The following LRRTM4 variants were observed in gnomAD, a reference collection of about 807,000 sequenced individuals.
LRRTM4 encodes leucine-rich repeat transmembrane neuronal protein 4.
A neutral mutation model predicts 47.6 loss-of-function variants in LRRTM4; 25 were observed. The observed-to-expected ratio is 0.53, with a 90% CI of 0.38 to 0.73. The LOEUF (loss-of-function observed/expected upper bound fraction) is 0.73, where lower values mean the gene tolerates loss of function less well. Among genes scored for constraint, LRRTM4 ranks in the 30% least tolerant of loss-of-function variants. LRRTM4 has a pLI of 0.00. For missense variants in LRRTM4, 638 were observed against 713.4 expected (o/e 0.89, Z 1.20); for synonymous variants, 311 against 269.5 (o/e 1.15, Z -1.51).
Position 77,425,892 on chromosome 2 carries a change from G to A in LRRTM4, c.1551+92426C>T, listed in dbSNP as rs140851395. On this transcript the variant is annotated intron_variant, in intron 3 of 3. Transcript: ENST00000409884. ...GCACTTTAGAGAGGCCAAGGCAGGC[G>A]GATCACTTGAGACCAGGTATTTGAG... 4.3e-3 allele frequency among the ~76,000 whole-genome samples: 654 copies of A among 151,982 alleles called. 9 individuals carry two copies. The highest frequency in any genetic ancestry group is 0.014 in the African/African-American group (575 of 41,450).
chr2:77,513,570 A>G (rs529956486), intron 3 of LRRTM4, among the ~76,000 whole-genome samples: 62 of 132,222 alleles, frequency 4.7e-4, no homozygotes, highest in Non-Finnish European at 8.0e-4. Flanking sequence ...TATAATTTAT[A>G]TTTTATTTGT....
chr2:76,881,199 TAC>T (rs994770512), intron 3 of LRRTM4, among the ~76,000 whole-genome samples: 12 of 152,192 alleles, frequency 7.9e-5, no homozygotes, highest in African/African-American at 2.9e-4. Context: ...CATAAATATG[TAC>T]AGTTATCATG....
At chr2:76,811,042 G>A (rs1315321477) in intron 3 of LRRTM4, among the ~76,000 whole-genome samples, 23 of 152,030 alleles carry the variant, frequency 1.5e-4, no homozygotes. Flanking sequence ...AATATAGAAA[G>A]GAAAATGAAA....
chr2:77,245,876 C>A (rs950332198), intron 3 of LRRTM4, among the ~76,000 whole-genome samples: 2 of 152,118 alleles, frequency 1.3e-5, no homozygotes, highest in Admixed American at 1.3e-4. Context: ...AACACTGGGG[C>A]TATGAAGCAA....
chr2:77,260,876 A>G (rs1254133837), intron 3 of LRRTM4, among the ~76,000 whole-genome samples: 1 of 152,166 alleles, frequency 6.6e-6, no homozygotes, highest in African/African-American at 2.4e-5. Flanking sequence ...CGACAATTTT[A>G]GAGTAATGAT....
chr2:77,485,478 A>G (rs1677874686), intron 3 of LRRTM4, among the ~76,000 whole-genome samples: 1 of 152,212 alleles, frequency 6.6e-6, no homozygotes, highest in Non-Finnish European at 1.5e-5. Flanking sequence ...TTGTGGACCA[A>G]TGGTCATGGT....
chr2:77,305,577 T>C (rs1440982733), intron 3 of LRRTM4, among the ~76,000 whole-genome samples: 1 of 152,118 alleles, frequency 6.6e-6, no homozygotes, highest in Non-Finnish European at 1.5e-5. Context: ...TTCAGGTGTT[T>C]AATATTCAAC....
intron 3 of LRRTM4, among the ~76,000 whole-genome samples, chr2:77,354,049 A>C (rs1204435174): frequency 1.3e-5 from 2 of 152,166 alleles, no homozygotes; most frequent in Non-Finnish European, 2.9e-5. Context: ...CATGCAAATT[A>C]AGGGGTAGGT....
intron 3 of LRRTM4, among the ~76,000 whole-genome samples, chr2:77,157,716 T>C (rs546615918): frequency 2.6e-5 from 4 of 152,142 alleles, no homozygotes; most frequent in Non-Finnish European, 5.9e-5. Flanking sequence ...ATTAAGATAT[T>C]TATGTTTGTG....
At chr2:76,943,825 TCTTG>T (rs1466662081) in intron 3 of LRRTM4, among the ~76,000 whole-genome samples, 3 of 152,204 alleles carry the variant, frequency 2.0e-5, no homozygotes, top group African/African-American at 2.4e-5. Flanking sequence ...AGCCTTAATG[TCTTG>T]CTTATCTTCT....
At chr2:77,413,296 A>G (rs763358249) in intron 3 of LRRTM4, among the ~76,000 whole-genome samples, 40 of 152,146 alleles carry the variant, frequency 2.6e-4, no homozygotes, top group Non-Finnish European at 5.1e-4. Context: ...CGAAGGCTCA[A>G]ATGAGGTCAC....
intron 3 of LRRTM4, among the ~76,000 whole-genome samples, chr2:77,104,519 C>T (rs1055698043): frequency 6.6e-6 from 1 of 152,112 alleles, no homozygotes; most frequent in African/African-American, 2.4e-5. Context: ...GAAAAACCTC[C>T]AACCCTCATA....
At chr2:77,438,230 T>G (rs1350580688) in intron 3 of LRRTM4, among the ~76,000 whole-genome samples, 3 of 152,046 alleles carry the variant, frequency 2.0e-5, no homozygotes, top group African/African-American at 7.2e-5. Context: ...AAAATAATCT[T>G]GATATTGATT....
intron 3 of LRRTM4, among the ~76,000 whole-genome samples, chr2:77,503,165 T>C (rs1678639995): frequency 6.6e-6 from 1 of 151,480 alleles, no homozygotes; most frequent in Non-Finnish European, 1.5e-5. Context: ...AGCTGCACCT[T>C]GCCTGTAGCA....
At chr2:77,458,586 TG>T (rs113075134) in intron 3 of LRRTM4, among the ~76,000 whole-genome samples, 5,402 of 152,140 alleles carry the variant, frequency 0.036, 201 homozygotes, top group East Asian at 0.14. Flanking sequence ...CAACTGCCGT[TG>T]GCTCTGGCTT....
At chr2:77,409,658 T>C (rs994890693) in intron 3 of LRRTM4, among the ~76,000 whole-genome samples, 3 of 152,210 alleles carry the variant, frequency 2.0e-5, no homozygotes, top group African/African-American at 7.2e-5. Context: ...ATAAGAAATA[T>C]CATTTCTTCA....
At chr2:77,323,038 C>T (rs780595483) in intron 3 of LRRTM4, among the ~76,000 whole-genome samples, 4 of 151,878 alleles carry the variant, frequency 2.6e-5, no homozygotes, top group Non-Finnish European at 5.9e-5. Flanking sequence ...TTCATGGAGG[C>T]GTCACTTTTT....
chr2:76,854,228 T>C (rs1184027945), intron 3 of LRRTM4, among the ~76,000 whole-genome samples: 1 of 152,174 alleles, frequency 6.6e-6, no homozygotes, highest in Non-Finnish European at 1.5e-5. Flanking sequence ...TCTGTGAAAC[T>C]AACATATAGT....
intron 3 of LRRTM4, among the ~76,000 whole-genome samples, chr2:76,759,630 T>TATG (rs1673180612): frequency 6.6e-6 from 1 of 152,116 alleles, no homozygotes; most frequent in Non-Finnish European, 1.5e-5. Context: ...AGCTATTGTA[T>TATG]ATGTGTGTGT....
Sources: gnomAD v4.1 joint callset for allele counts (sites outside exome capture counted in the v4.1 genomes callset) on GRCh38, gnomAD v4.1.1 for gene constraint, MANE v1.5 for transcripts, NCBI Gene and HGNC (gene_info 2026-07-23, HGNC 2026-07-21) for gene names.